Variants in FRYL observed in about 807,000 individuals in gnomAD.
The protein encoded by FRYL is FRY like transcription coactivator, also known as protein furry homolog-like.
A neutral mutation model predicts 351.2 loss-of-function variants in FRYL; 150 were observed. The ratio of observed to expected loss-of-function variants is 0.43; its 90% CI spans 0.37 to 0.49. The LOEUF is 0.49. Among genes scored for constraint, FRYL ranks in the 20% least tolerant of loss-of-function variants. The pLI is 0.00. For synonymous variants in FRYL, 1,153 were observed against 1,257.1 expected (o/e 0.92, Z 1.75); for missense variants, 3,036 against 3,619.3 (o/e 0.84, Z 4.13).
At chr4:48,539,945 T>TA in intron 47 of FRYL, 26 bp downstream of exon 47, 1 of 1,515,426 alleles carries the variant, frequency 6.6e-7, no homozygotes, top group Non-Finnish European at 9.2e-7. Flanking sequence ...CCTATAGTGT[T>TA]ACCTTTCAGC....
Position 48,578,981 on chromosome 4 carries a change from G to A in FRYL, c.2520C>T (p.Val840=), listed in dbSNP as rs758049753. Residue 840 remains valine (V), a synonymous_variant, in exon 23 of 64, where the codon GTC becomes GTT. Transcript: ENST00000358350. ...CTAGGAAAATAACTTACTTTATATC[G>A]ACCTGAGGGGACAACAACTGAAGTC... The part of the protein sequence containing the change: ...YTRLQLLSPQ[V]DINSPINAKK... 6.2e-6 allele frequency: 10 copies of A among 1,603,804 alleles called. No individual in the cohort carries two copies. The highest frequency in any genetic ancestry group is 4.5e-5 in the East Asian group (2 of 44,656).
At chr4:48,519,571 C>T (rs1344869863) in intron 55 of FRYL, among the ~76,000 whole-genome samples, 2 of 151,012 alleles carry the variant, frequency 1.3e-5, no homozygotes, top group East Asian at 1.9e-4. Context: ...GGCGCGATCT[C>T]GGCTCCCTGT....
At chr4:48,544,753 A>G in intron 43 of FRYL, 30 bp downstream of exon 43, 1 of 1,546,774 alleles carries the variant, frequency 6.5e-7, no homozygotes, top group Non-Finnish European at 8.7e-7. Flanking sequence ...TTAAAATGTC[A>G]CTAAAACTAA....
intron 1 of FRYL, among the ~76,000 whole-genome samples, chr4:48,728,079 A>G (rs1252037186): frequency 6.6e-6 from 1 of 152,212 alleles, no homozygotes; most frequent in African/African-American, 2.4e-5. Flanking sequence ...TACACAGTAC[A>G]TCATGTCCAG....
chr4:48,709,077 C>T (rs143703046), intron 2 of FRYL, among the ~76,000 whole-genome samples: 2,777 of 152,066 alleles, frequency 0.018, 82 homozygotes, highest in African/African-American at 0.063. Flanking sequence ...CCCGCCACCA[C>T]GCCTGGCTAA....
chr4:48,715,241 C>A (rs4447830), intron 1 of FRYL, among the ~76,000 whole-genome samples: 61,320 of 149,898 alleles, frequency 0.41, 13,676 homozygotes, highest in Admixed American at 0.55. Context: ...CTCACCACTC[C>A]TATTCAACAT....
chr4:48,557,320 T>C (rs1327244900), intron 34 of FRYL, 133 bp downstream of exon 34: 5 of 1,264,076 alleles, frequency 4.0e-6, no homozygotes, highest in African/African-American at 3.0e-5. Flanking sequence ...AAAATTCATA[T>C]CTAATGAGTC....
Position 48,575,035 on chromosome 4 carries a change from C to T in FRYL, c.2846+82G>A. On this transcript the variant is annotated intron_variant, in intron 25 of 63. Transcript: ENST00000358350. ...TCAAGCACTCTGCTTGACCCTACCACACCTTCTAAGGACCCTACCACACCT... is the reference window on the plus strand; with the variant it reads ...TCAAGCACTCTGCTTGACCCTACCATACCTTCTAAGGACCCTACCACACCT... 3 of 1,400,190 alleles carry T rather than the reference C, an allele frequency of 2.1e-6. No individual in the cohort carries two copies. The South Asian group carries it at 3.9e-5, about 18-fold the overall frequency. 86.7% of individuals were successfully genotyped at this position (1,400,190 alleles called of 1,614,324 possible).
chr4:48,542,854 T>G (rs1730533275), intron 44 of FRYL, among the ~76,000 whole-genome samples: 1 of 152,142 alleles, frequency 6.6e-6, no homozygotes, highest in Non-Finnish European at 1.5e-5. Context: ...TTGCCCTCCC[T>G]ACAGATTTCA....
chr4:48,750,696 T>C (rs770146949), intron 1 of FRYL, among the ~76,000 whole-genome samples: 1 of 152,112 alleles, frequency 6.6e-6, no homozygotes. Context: ...AATTGCAAGA[T>C]TTTTGGCCCA....
At chr4:48,575,980 A>G in intron 24 of FRYL, 50 bp downstream of exon 24, 5 of 1,350,862 alleles carry the variant, frequency 3.7e-6, no homozygotes, top group Non-Finnish European at 4.9e-6. Context: ...TCTTATTTTT[A>G]TGGGGCCATT....
intron 35 of FRYL, 47 bp downstream of exon 35, chr4:48,556,931 G>C (rs1223727030): frequency 1.4e-6 from 2 of 1,424,786 alleles, no homozygotes; most frequent in Non-Finnish European, 9.5e-7. Context: ...CAAGATACTA[G>C]TAAATATATA....
intron 1 of FRYL, among the ~76,000 whole-genome samples, chr4:48,772,583 T>C (rs1775623789): frequency 7.0e-6 from 1 of 142,446 alleles, no homozygotes; most frequent in Non-Finnish European, 1.5e-5. Context: ...AGTTTTAAAA[T>C]GGAAAAATAA....
intron 7 of FRYL, among the ~76,000 whole-genome samples, chr4:48,613,409 A>G (rs569216017): frequency 6.6e-6 from 1 of 152,208 alleles, no homozygotes; most frequent in Non-Finnish European, 1.5e-5. Context: ...CCCTGAGAAT[A>G]AAGGGAGACT....
At chr4:48,501,943 T>G (rs1056314535) in intron 61 of FRYL, among the ~76,000 whole-genome samples, 1 of 152,184 alleles carries the variant, frequency 6.6e-6, no homozygotes, top group South Asian at 2.1e-4. Context: ...CATAATTCAG[T>G]TTTAATGTTA....
At chr4:48,723,803 T>C (rs927150610) in intron 1 of FRYL, among the ~76,000 whole-genome samples, 2 of 151,732 alleles carry the variant, frequency 1.3e-5, no homozygotes, top group African/African-American at 4.8e-5. Context: ...TTTAAAAATA[T>C]AGCCAGGCAT....
intron 59 of FRYL, among the ~76,000 whole-genome samples, chr4:48,507,626 C>T (rs909481085): frequency 3.0e-4 from 45 of 152,214 alleles, no homozygotes; most frequent in Middle Eastern, 3.4e-3. Flanking sequence ...CACGTCCCTG[C>T]GCATAGAGGC....
intron 50 of FRYL, among the ~76,000 whole-genome samples, chr4:48,529,343 A>T (rs564318444): frequency 6.6e-6 from 1 of 152,278 alleles, no homozygotes; most frequent in East Asian, 1.9e-4. Flanking sequence ...CCTTTGGTGT[A>T]TCTCCAGTGC....
At chr4:48,774,039 G>A (rs564651900) in intron 1 of FRYL, among the ~76,000 whole-genome samples, 2 of 152,234 alleles carry the variant, frequency 1.3e-5, no homozygotes, top group Admixed American at 6.5e-5. Context: ...AGTTACGCAG[G>A]AATGTACATT....
Sources: gnomAD v4.1 joint callset for allele counts (sites outside exome capture counted in the v4.1 genomes callset) on GRCh38, gnomAD v4.1.1 for gene constraint, MANE v1.5 for transcripts, NCBI Gene and HGNC (gene_info 2026-07-23, HGNC 2026-07-21) for gene names.